The following MARCHF1 variants were observed in gnomAD, a reference collection of about 807,000 sequenced individuals.
MARCHF1 encodes the protein membrane associated ring-CH-type finger 1.
Under a neutral mutation model 54.2 loss-of-function variants are expected in MARCHF1, and 40 were observed. The observed-to-expected ratio is 0.74, with a 90% CI of 0.57 to 0.96. The LOEUF (loss-of-function observed/expected upper bound fraction) is 0.96. Among genes scored for constraint, MARCHF1 ranks in the 40% least tolerant of loss-of-function variants. The pLI, the probability that MARCHF1 is intolerant of heterozygous loss-of-function variation, is 0.00. For synonymous variants in MARCHF1, 236 were observed against 236.3 expected, an observed-to-expected ratio of 1.00 and a Z score of 0.01; for missense variants, 586 against 656.5, an observed-to-expected ratio of 0.89 and a Z score of 1.17.
At chr4:163,830,375 G>A (rs1748984347) in intron 4 of MARCHF1, among the ~76,000 whole-genome samples, 1 of 151,732 alleles carries the variant, frequency 6.6e-6, no homozygotes, top group South Asian at 2.1e-4. Flanking sequence ...GTACATTGAT[G>A]GTTCAAATTG....
intron 4 of MARCHF1, among the ~76,000 whole-genome samples, chr4:163,796,528 A>G (rs1561082201): frequency 6.6e-6 from 1 of 151,988 alleles, no homozygotes; most frequent in Non-Finnish European, 1.5e-5. Context: ...TTTTTCCAGG[A>G]GCAGAGGAAG....
At chr4:163,799,662 A>C (rs1322419891) in intron 4 of MARCHF1, among the ~76,000 whole-genome samples, 1 of 152,128 alleles carries the variant, frequency 6.6e-6, no homozygotes, top group Non-Finnish European at 1.5e-5. Context: ...TAAAAATAAG[A>C]CAGTAACCAT....
At chr4:164,107,677 C>CT (rs1468623933) in intron 2 of MARCHF1, among the ~76,000 whole-genome samples, 1 of 152,054 alleles carries the variant, frequency 6.6e-6, no homozygotes, top group Non-Finnish European at 1.5e-5. Context: ...ATATTAATTT[C>CT]TATTTCTCTC....
chr4:163,931,693 T>A (rs1455225975), intron 3 of MARCHF1, among the ~76,000 whole-genome samples: 1 of 152,174 alleles, frequency 6.6e-6, no homozygotes, highest in Non-Finnish European at 1.5e-5. Context: ...CAGATTGCTT[T>A]CCTAATGTGG....
intron 8 of MARCHF1, among the ~76,000 whole-genome samples, chr4:163,581,462 T>C (rs993063503): frequency 2.6e-5 from 4 of 152,314 alleles, no homozygotes; most frequent in East Asian, 1.9e-4. Context: ...TGCAGGAAGA[T>C]TCTAGCTAGG....
chr4:164,205,413 C>G (rs1416612637), intron 1 of MARCHF1, among the ~76,000 whole-genome samples: 1 of 152,108 alleles, frequency 6.6e-6, no homozygotes, highest in East Asian at 1.9e-4. Context: ...TATAGTGGAA[C>G]CTGGGCTTGA....
At chr4:164,153,679 A>G (rs1429264049) in intron 1 of MARCHF1, among the ~76,000 whole-genome samples, 3 of 152,162 alleles carry the variant, frequency 2.0e-5, no homozygotes, top group African/African-American at 7.2e-5. Context: ...TACATCATAC[A>G]AACAACCAAA....
At chr4:163,615,195 T>TG (rs942552308) in intron 5 of MARCHF1, among the ~76,000 whole-genome samples, 13 of 152,034 alleles carry the variant, frequency 8.6e-5, no homozygotes, top group African/African-American at 3.1e-4. Context: ...TCCCAGGAGG[T>TG]GGGGTGATCC....
chr4:164,281,973 ATC>A (rs1426978423), intron 1 of MARCHF1, among the ~76,000 whole-genome samples: 1 of 143,412 alleles, frequency 7.0e-6, no homozygotes, highest in Non-Finnish European at 1.5e-5. Context: ...TGCATCCCTC[ATC>A]TGGCCAAATG....
At chr4:163,706,667 A>G (rs2111244910) in intron 4 of MARCHF1, among the ~76,000 whole-genome samples, 1 of 152,140 alleles carries the variant, frequency 6.6e-6, no homozygotes, top group Admixed American at 6.6e-5. Context: ...CCCTCTACAA[A>G]TTGACATATG....
chr4:164,327,725 C>A (rs2110789317), intron 1 of MARCHF1, among the ~76,000 whole-genome samples: 1 of 152,220 alleles, frequency 6.6e-6, no homozygotes, highest in East Asian at 1.9e-4. Flanking sequence ...AAACATACAA[C>A]AATAAAGGAA....
At chr4:163,817,270 C>T (rs1178999022) in intron 4 of MARCHF1, among the ~76,000 whole-genome samples, 1 of 149,626 alleles carries the variant, frequency 6.7e-6, no homozygotes, top group Non-Finnish European at 1.5e-5. Context: ...CACACAGCTA[C>T]ATGTATGTGT....
chr4:164,220,234 A>T (rs1227982647), intron 1 of MARCHF1, among the ~76,000 whole-genome samples: 2 of 149,476 alleles, frequency 1.3e-5, no homozygotes, highest in South Asian at 4.2e-4. Context: ...ACACACATAC[A>T]TATATATACA....
intron 1 of MARCHF1, among the ~76,000 whole-genome samples, chr4:164,124,132 C>G (rs4691111): frequency 0.23 from 34,649 of 147,452 alleles, 4,806 homozygotes; most frequent in Non-Finnish European, 0.3. Context: ...ATACAGATGA[C>G]AAACAGGCAT....
intron 1 of MARCHF1, among the ~76,000 whole-genome samples, chr4:164,188,103 G>C (rs1731020750): frequency 6.6e-6 from 1 of 152,152 alleles, no homozygotes; most frequent in African/African-American, 2.4e-5. Flanking sequence ...CTCGAAAGCC[G>C]AGGGCGACAT....
intron 3 of MARCHF1, among the ~76,000 whole-genome samples, chr4:163,860,252 C>A (rs926782556): frequency 6.6e-6 from 1 of 152,040 alleles, no homozygotes; most frequent in African/African-American, 2.4e-5. Flanking sequence ...ATTGGAGACA[C>A]AGTAGGGATT....
chr4:163,597,997 A>T (rs906167310), intron 7 of MARCHF1, among the ~76,000 whole-genome samples: 109 of 152,320 alleles, frequency 7.2e-4, no homozygotes, highest in African/African-American at 2.6e-3. Flanking sequence ...TCCTTCAGAT[A>T]CACCAATATT....
At chr4:164,189,381 C>A in intron 1 of MARCHF1, 1 of 652,808 alleles carries the variant, frequency 1.5e-6, no homozygotes, top group South Asian at 1.8e-5. Context: ...TGGATCTGTT[C>A]TGGTCTACTA....
At chr4:164,130,277 A>C (rs1471180059) in intron 1 of MARCHF1, among the ~76,000 whole-genome samples, 1 of 152,172 alleles carries the variant, frequency 6.6e-6, no homozygotes, top group Non-Finnish European at 1.5e-5. Context: ...CATTTTTCAA[A>C]ATAATTATGC....
Sources: gnomAD v4.1 joint callset for allele counts (sites outside exome capture counted in the v4.1 genomes callset) on GRCh38, gnomAD v4.1.1 for gene constraint, MANE v1.5 for transcripts, NCBI Gene and HGNC (gene_info 2026-07-23, HGNC 2026-07-21) for gene names.